Variants in SEL1L3 observed in about 807,000 individuals in gnomAD.
SEL1L3 encodes the protein protein sel-1 homolog 3.
In SEL1L3, 76 loss-of-function variants were observed where a neutral mutation model predicts 142.8. The observed-to-expected ratio is 0.53, with a 90% CI of 0.44 to 0.64. The LOEUF is 0.64. Among genes scored for constraint, SEL1L3 ranks in the 30% least tolerant of loss-of-function variants. The pLI is 0.00. For synonymous variants in SEL1L3, 504 were observed against 519.6 expected, an observed-to-expected ratio of 0.97 and a Z score of 0.41; for missense variants, 1,262 against 1,381.7, an observed-to-expected ratio of 0.91 and a Z score of 1.37.
chr4:25,834,311 A>G (rs1452439377), intron 3 of SEL1L3, among the ~76,000 whole-genome samples: 1 of 152,206 alleles, frequency 6.6e-6, no homozygotes, highest in Non-Finnish European at 1.5e-5. Context: ...CTTACTGAAC[A>G]CCCCTTGATA....
intron 17 of SEL1L3, among the ~76,000 whole-genome samples, chr4:25,775,093 G>A (rs1421406689): frequency 6.6e-6 from 1 of 152,202 alleles, no homozygotes; most frequent in Non-Finnish European, 1.5e-5. Flanking sequence ...ATGAGTTAAA[G>A]TCAAATTTGG....
chr4:25,730,365 C>T, the SEL1L3 span, among the ~76,000 whole-genome samples: 1 of 151,846 alleles, frequency 6.6e-6, no homozygotes, highest in Non-Finnish European at 1.5e-5. Context: ...TTTGAGTGAG[C>T]ATCTTCTGGA....
intron 1 of SEL1L3, among the ~76,000 whole-genome samples, chr4:25,853,998 T>C (rs1412127968): frequency 6.6e-6 from 1 of 152,140 alleles, no homozygotes; most frequent in Non-Finnish European, 1.5e-5. Flanking sequence ...ACATAGCTAC[T>C]AGAGAATTTA....
chr4:25,773,462 G>C (rs975375004), intron 17 of SEL1L3: 2 of 152,030 alleles, frequency 1.3e-5, no homozygotes, highest in Non-Finnish European at 2.9e-5. Flanking sequence ...ACATATCAAT[G>C]ATTACATGAT....
chr4:25,740,231 C>G, the SEL1L3 span, among the ~76,000 whole-genome samples: 1 of 149,362 alleles, frequency 6.7e-6, no homozygotes, highest in Non-Finnish European at 1.5e-5. Flanking sequence ...GTTAGGAGTT[C>G]AAGACCAGCC....
At chr4:25,850,753 A>G (rs1302863359) in intron 1 of SEL1L3, among the ~76,000 whole-genome samples, 1 of 152,218 alleles carries the variant, frequency 6.6e-6, no homozygotes, top group Non-Finnish European at 1.5e-5. Context: ...TATTAAAAGG[A>G]GGAAGCTCTT....
chr4:25,790,522 GT>G lies in SEL1L3; in HGVS notation c.2008del (p.Thr670ProfsTer11). On this transcript the variant is annotated frameshift_variant, in exon 12 of 24. Transcript: ENST00000399878. LOFTEE classifies it high-confidence loss of function. ...LKDDEILKVQTKEDGDVFMWL... is the reference protein window; with the variant it reads ...LKDDEILKVQXKEDGDVFMWL... Reference sequence around the variant, plus strand: ...CATAAAGACATCTCCATCTTCTTTGGTTTGTACCTTGAGTATTTCATCATCT... The same window carrying G: ...CATAAAGACATCTCCATCTTCTTTGGTTGTACCTTGAGTATTTCATCATCT... 1 of 1,613,106 alleles carries G rather than the reference GT, an allele frequency of 6.2e-7. No individual in the cohort carries two copies. The highest frequency in any genetic ancestry group is 8.5e-7 in the Non-Finnish European group (1 of 1,179,612).
At chr4:25,785,123 G>T (rs1711696178) in intron 13 of SEL1L3, among the ~76,000 whole-genome samples, 1 of 152,116 alleles carries the variant, frequency 6.6e-6, no homozygotes, top group African/African-American at 2.4e-5. Flanking sequence ...TGCCACATGG[G>T]GTCCTCCTGG....
At chr4:25,805,746 C>A (rs201458955) in intron 9 of SEL1L3, among the ~76,000 whole-genome samples, 1 of 152,248 alleles carries the variant, frequency 6.6e-6, no homozygotes, top group East Asian at 1.9e-4. Flanking sequence ...TGTTTACTTT[C>A]CATTATGTGC....
At chr4:25,847,231 C>A in intron 2 of SEL1L3, 63 bp downstream of exon 2, 3 of 1,363,394 alleles carry the variant, frequency 2.2e-6, no homozygotes, top group Middle Eastern at 1.9e-4. Context: ...TCTTGCCATT[C>A]GATCATGATA....
intron 23 of SEL1L3, 126 bp from the exon 24 acceptor site, chr4:25,748,690 A>G (rs1717401283): frequency 2.2e-6 from 2 of 915,456 alleles, no homozygotes; most frequent in East Asian, 5.4e-5. Context: ...GACACTAACT[A>G]GCCAGGCAAC....
intron 17 of SEL1L3, among the ~76,000 whole-genome samples, chr4:25,776,031 A>G (rs1719592021): frequency 1.3e-5 from 2 of 152,228 alleles, no homozygotes; most frequent in Admixed American, 1.3e-4. Context: ...ATGTATTTGT[A>G]TATCTTTCTC....
At chr4:25,781,881 G>A (rs1720025139) in intron 15 of SEL1L3, among the ~76,000 whole-genome samples, 1 of 152,206 alleles carries the variant, frequency 6.6e-6, no homozygotes. Flanking sequence ...TCTGGACTTA[G>A]TTCTCTTTGC....
rs115340998 is a variant in SEL1L3 at position 25,810,721 on chromosome 4, C to G, written c.1565-5969G>C. On this transcript the variant is annotated intron_variant, in intron 9 of 23. Transcript: ENST00000399878. ...TGGGGTCTCATGTTGGATGCCACCCCAGAGTCTAGACGGTGGTGAACTACG... is the reference window on the plus strand; with the variant it reads ...TGGGGTCTCATGTTGGATGCCACCCGAGAGTCTAGACGGTGGTGAACTACG... 3.7e-3 allele frequency among the ~76,000 whole-genome samples: 557 copies of G among 152,242 alleles called. 8 individuals carry two copies. Among genetic ancestry groups the G allele is most frequent in the African/African-American group, 0.013 (529 of 41,542 alleles).
At chr4:25,768,562 A>C (rs1718921837) in intron 17 of SEL1L3, among the ~76,000 whole-genome samples, 1 of 152,218 alleles carries the variant, frequency 6.6e-6, no homozygotes, top group Admixed American at 6.5e-5. Context: ...ATGTGGCCCT[A>C]CAGTTCTCCC....
the SEL1L3 span, among the ~76,000 whole-genome samples, chr4:25,722,460 A>T: frequency 6.6e-6 from 1 of 152,060 alleles, no homozygotes; most frequent in Non-Finnish European, 1.5e-5. Flanking sequence ...TTGCCCACTG[A>T]TCCCAGAAGA....
At chr4:25,744,398 G>C (rs1717201543), downstream of SEL1L3, among the ~76,000 whole-genome samples, 1 of 124,748 alleles carries the variant, frequency 8.0e-6, no homozygotes. Flanking sequence ...ACCCAGGCTG[G>C]AGTGCAATGG....
chr4:25,754,364 T>G (rs1577554065), intron 23 of SEL1L3, among the ~76,000 whole-genome samples: 1 of 151,140 alleles, frequency 6.6e-6, no homozygotes, highest in East Asian at 1.9e-4. Context: ...TTTTTTTTTT[T>G]TTGACACAGG....
At chr4:25,852,915 A>G (rs182846871) in intron 1 of SEL1L3, among the ~76,000 whole-genome samples, 98 of 152,298 alleles carry the variant, frequency 6.4e-4, no homozygotes, top group African/African-American at 2.1e-3. Context: ...CAGGGTAATG[A>G]CCATTTGATT....
Sources: gnomAD v4.1 joint callset for allele counts (sites outside exome capture counted in the v4.1 genomes callset) on GRCh38, gnomAD v4.1.1 for gene constraint, MANE v1.5 for transcripts, NCBI Gene and HGNC (gene_info 2026-07-23, HGNC 2026-07-21) for gene names.